The following PBK variants were observed in gnomAD, a reference collection of about 807,000 sequenced individuals.
PBK encodes the protein lymphokine-activated killer T-cell-originated protein kinase.
Under a neutral mutation model 33.5 loss-of-function variants are expected in PBK, and 22 were observed. The observed-to-expected ratio is 0.66, with a 90% CI of 0.47 to 0.94. The LOEUF (loss-of-function observed/expected upper bound fraction) is 0.94, where lower values mean the gene tolerates loss of function less well. Ranked by LOEUF, PBK falls within the 40% of genes least tolerant of loss-of-function variation. PBK has a pLI of 0.00. For synonymous variants in PBK, 129 were observed against 123.8 expected (o/e 1.04, Z -0.28); for missense variants, 376 against 383.4 (o/e 0.98, Z 0.16).
intron 1 of PBK, among the ~76,000 whole-genome samples, chr8:27,834,739 C>CA (rs1806195682): frequency 6.6e-6 from 1 of 151,898 alleles, no homozygotes; most frequent in African/African-American, 2.4e-5. Flanking sequence ...ACTAAAAATA[C>CA]AAAAAAATTA....
intron 6 of PBK, among the ~76,000 whole-genome samples, chr8:27,815,626 A>G (rs1805796131): frequency 6.6e-6 from 1 of 152,250 alleles, no homozygotes; most frequent in Admixed American, 6.5e-5. Flanking sequence ...GTGTGTGTAC[A>G]CATACATTCT....
At chr8:27,832,396 G>A (rs1237272234) in intron 2 of PBK, among the ~76,000 whole-genome samples, 2 of 151,936 alleles carry the variant, frequency 1.3e-5, no homozygotes, top group African/African-American at 2.4e-5. Context: ...ACATACTGGA[G>A]CCAGTGCAAT....
At chr8:27,831,535 T>TACGGATATAGAA (rs748624921) in intron 2 of PBK, among the ~76,000 whole-genome samples, 1 of 151,890 alleles carries the variant, frequency 6.6e-6, no homozygotes, top group African/African-American at 2.4e-5. Context: ...AGAATATCAT[T>TACGGATATAGAA]GACATTTGTA....
rs1382115024 is a variant in PBK at position 27,822,398 on chromosome 8, T to A, written c.386A>T (p.Glu129Val). The A allele has an allele frequency of 6.2e-7, 1 of 1,613,398 alleles. No homozygotes were observed. Among genetic ancestry groups the A allele is most frequent in the Non-Finnish European group, 8.5e-7 (1 of 1,179,516 alleles). ...GEKSLNDLIEERYKASQDPFP... is the reference protein window; with the variant it reads ...GEKSLNDLIEVRYKASQDPFP... ...AGGATCTTGGCTGGCTTTATATCGT[T>A]CTTCTATTAAGTCATTTAGAGACTT... Residue 129 changes from glutamate to valine, a missense_variant, in exon 5 of 8, where the codon GAA (glutamate) becomes GTA (valine). Transcript: ENST00000301905.
At chr8:27,817,492 G>A (rs182420075) in intron 6 of PBK, among the ~76,000 whole-genome samples, 1 of 151,658 alleles carries the variant, frequency 6.6e-6, no homozygotes, top group Non-Finnish European at 1.5e-5. Context: ...TCTTTTATTA[G>A]GATTATTAAC....
Position 27,823,131 on chromosome 8 carries a change from C to G in PBK, c.227G>C (p.Ser76Thr), listed in dbSNP as rs369154408. ...ATCCATTAGTCTCTTTTGATACACA[C>G]TTCGATAATGATCATTACATATAGG... is the stretch of plus-strand genomic sequence containing the variant. Reference protein sequence around the residue: ...INPICNDHYRSVYQKRLMDEA... With the variant: ...INPICNDHYRTVYQKRLMDEA... The change falls in exon 4 of 8, where the codon AGT (serine) becomes ACT (threonine). Residue 76 changes from serine (S) to threonine (T), a missense_variant. Physicochemically the swap from Ser to Thr is moderately conservative, Grantham distance 58. Transcript: ENST00000301905. 4.0e-5 allele frequency: 62 copies of G among 1,567,018 alleles called. No individual in the cohort carries two copies. Among genetic ancestry groups the G allele is most frequent in the Non-Finnish European group, 5.2e-5 (59 of 1,138,572 alleles).
At chr8:27,835,975 T>A (rs12676560) in intron 1 of PBK, among the ~76,000 whole-genome samples, 23,955 of 113,072 alleles carry the variant, frequency 0.21, 2,395 homozygotes, top group East Asian at 0.43. Flanking sequence ...GCTCTAACAG[T>A]GCACTGTTCT....
intron 2 of PBK, among the ~76,000 whole-genome samples, chr8:27,831,348 A>G (rs1369178012): frequency 6.6e-6 from 1 of 152,154 alleles, no homozygotes; most frequent in Non-Finnish European, 1.5e-5. Context: ...AGGAAACTCA[A>G]AAAAACAAGA....
intron 1 of PBK, among the ~76,000 whole-genome samples, chr8:27,833,339 G>A (rs530701291): frequency 1.7e-4 from 26 of 152,088 alleles, no homozygotes; most frequent in Admixed American, 1.4e-3. Context: ...GAGAAACCCC[G>A]TCTCTACTAA....
Position 27,834,267 on chromosome 8 carries a change from A to G in PBK, c.-20-1134T>C, listed in dbSNP as rs57675270. Among the ~76,000 whole-genome samples the G allele has an allele frequency of 3.9e-3, 591 of 152,208 alleles. 5 individuals are homozygous for G. Among genetic ancestry groups the G allele is most frequent in the African/African-American group, 0.014 (570 of 41,550 alleles). On this transcript the variant is annotated intron_variant, in intron 1 of 7. Transcript: ENST00000301905. The stretch of plus-strand genomic sequence containing the variant: ...GGTCACGAACTCCCGACCTTGTGAT[A>G]ATGCCCGCCTGGGCCTCCCAAAGTG...
chr8:27,814,386 C>G (rs2128961692), intron 6 of PBK, among the ~76,000 whole-genome samples: 1 of 152,202 alleles, frequency 6.6e-6, no homozygotes, highest in Admixed American at 6.5e-5. Context: ...ACCCTTTTCT[C>G]ATTCCTGTTG....
At chr8:27,820,424 GGAGA>G (rs751333700) in intron 6 of PBK, 137 bp downstream of exon 6, 5 of 576,538 alleles carry the variant, frequency 8.7e-6, no homozygotes, top group Non-Finnish European at 1.5e-5. Flanking sequence ...AGGCTGACTG[GGAGA>G]GAGAGAAAAA....
intron 1 of PBK, among the ~76,000 whole-genome samples, chr8:27,836,483 G>T (rs1466271249): frequency 6.6e-6 from 1 of 151,674 alleles, no homozygotes; most frequent in Non-Finnish European, 1.5e-5. Flanking sequence ...TTGTGGGATG[G>T]CAGCACGCAG....
In PBK at chr8:27,820,643, C is replaced by T. The variant is rs759566784; in HGVS notation, c.517G>A (p.Val173Ile). 31 of 1,566,924 alleles carry T rather than the reference C, an allele frequency of 2.0e-5. No homozygotes were observed. Among genetic ancestry groups the T allele is most frequent in the Non-Finnish European group, 3.5e-6 (4 of 1,139,684 alleles). ...GTTTCAAAATCGCCTTTAATTACAA[C>T]ATTTGAAGACTTTATGTCTCCATGA... ...LLHGDIKSSN[V>I]VIKGDFETIK... The change falls in exon 6 of 8, where the codon GTT becomes ATT. Residue 173 changes from valine to isoleucine, a missense_variant. By Grantham distance (29) the Val-to-Ile change is conservative. Transcript: ENST00000301905.
At chr8:27,837,067 C>CAA (rs35940996) in intron 1 of PBK, among the ~76,000 whole-genome samples, 3,978 of 151,636 alleles carry the variant, frequency 0.026, 165 homozygotes, top group African/African-American at 0.084. Context: ...AAGATGACAG[C>CAA]AAAAAAAACA....
Position 27,815,947 on chromosome 8 carries a change from G to A in PBK, c.595+4618C>T, listed in dbSNP as rs140433876. ...AATGGTTCAGTCATTTCTTTTGGTT[G>A]ATACAGAAACAGTTTATACTTTATT... On this transcript the variant is annotated intron_variant, in intron 6 of 7. Transcript: ENST00000301905. 6.0e-4 allele frequency among the ~76,000 whole-genome samples: 91 copies of A among 152,266 alleles called. No individual in the cohort carries two copies. The East Asian group carries it at 0.016, about 26-fold the overall frequency.
chr8:27,828,746 A>C lies in PBK; in HGVS notation c.59-548T>G, dbSNP rs933574951. Among the ~76,000 whole-genome samples the C allele has an allele frequency of 3.2e-3, 50 of 15,410 alleles. No individual in the cohort carries two copies. The South Asian group carries it at 0.087, about 27-fold the overall frequency. The allele number at this position is 15,410 out of a possible 152,430, so 10.1% of individuals were successfully genotyped here. ...GGTGACAGAGCAAGACACAGTCTCA[A>C]AAAAAAAAAAAAAAAAAAAAAAAGA... is the stretch of plus-strand genomic sequence containing the variant. On this transcript the variant is annotated intron_variant, in intron 2 of 7. Coordinates refer to ENST00000301905, the MANE Select transcript of PBK (RefSeq NM_018492.4).
rs190773208 is a variant in PBK at position 27,809,992 on chromosome 8, A to G, written c.*313T>C. ...ATAGAATATTTAAGAAAGATCATTA[A>G]TAAAAGTAATGGTCATTCAATTTAA... is the stretch of plus-strand genomic sequence containing the variant. On this transcript the variant is annotated 3_prime_UTR_variant, in exon 8 of 8. Coordinates refer to ENST00000301905, the MANE Select transcript of PBK (RefSeq NM_018492.4). 2.1e-4 allele frequency: 59 copies of G among 277,906 alleles called. No individual in the cohort carries two copies. The highest frequency in any genetic ancestry group is 1.5e-4 in the Non-Finnish European group (22 of 148,958). 17.2% of individuals were successfully genotyped at this position (277,906 alleles called of 1,614,324 possible).
intron 2 of PBK, 65 bp from the exon 3 acceptor site, chr8:27,828,263 C>A: frequency 1.4e-6 from 1 of 695,100 alleles, no homozygotes; most frequent in South Asian, 1.9e-5. Context: ...TTAACATTCT[C>A]AATATACTAC....
Sources: gnomAD v4.1 joint callset for allele counts (sites outside exome capture counted in the v4.1 genomes callset) on GRCh38, gnomAD v4.1.1 for gene constraint, MANE v1.5 for transcripts, NCBI Gene and HGNC (gene_info 2026-07-23, HGNC 2026-07-21) for gene names.